Variants in SFMBT1 observed in about 807,000 individuals in gnomAD.
SFMBT1 encodes Scm like with four mbt domains 1.
A neutral mutation model predicts 108.7 loss-of-function variants in SFMBT1; 32 were observed. The observed-to-expected ratio is 0.29, with a 90% CI of 0.22 to 0.40. The LOEUF (loss-of-function observed/expected upper bound fraction) is 0.40, where lower values mean the gene tolerates loss of function less well. Among genes scored for constraint, SFMBT1 ranks in the 10% least tolerant of loss-of-function variants. The probability of loss-of-function intolerance (pLI) is 1.00; values close to 1 mark genes in which losing one functional copy is unlikely to be tolerated. For synonymous variants in SFMBT1, 348 were observed against 369.5 expected (o/e 0.94, Z 0.67); for missense variants, 816 against 1,059.6 (o/e 0.77, Z 3.19).
intron 1 of SFMBT1, among the ~76,000 whole-genome samples, chr3:53,024,565 T>G (rs1699421927): frequency 1.3e-5 from 2 of 152,196 alleles, no homozygotes; most frequent in African/African-American, 4.8e-5. Context: ...AGGGTCGTTG[T>G]GTGTCAACAA....
At chr3:52,999,652 C>T (rs1344277519) in intron 1 of SFMBT1, among the ~76,000 whole-genome samples, 1 of 149,970 alleles carries the variant, frequency 6.7e-6, no homozygotes, top group Non-Finnish European at 1.5e-5. Context: ...GGCCAAAGGT[C>T]ATGAGGGGAG....
chr3:52,969,104 C>T lies in SFMBT1; in HGVS notation c.25G>A (p.Ala9Thr). ...ATTCTGAGAATAAAACCAATACCTG[C>T]ATCAAGCTGCTGCTCCCCGTTCATT... The part of the protein sequence containing the change: MNGEQQLD[A>T]DAGSGMEEVE... Residue 9 changes from alanine to threonine, a missense_variant, in exon 2 of 21, where the codon GCA (alanine) becomes ACA (threonine). By Grantham distance (58) the Ala-to-Thr change is moderately conservative (BLOSUM62 0). Coordinates refer to ENST00000394752, the MANE Select transcript of SFMBT1 (RefSeq NM_016329.4). 3 of 1,614,024 alleles carry T rather than the reference C, an allele frequency of 1.9e-6. No individual in the cohort carries two copies. The highest frequency in any genetic ancestry group is 1.7e-6 in the Non-Finnish European group (2 of 1,179,968).
At chr3:52,920,818 GA>G (rs904545403) in intron 11 of SFMBT1, among the ~76,000 whole-genome samples, 168 bp from the exon 12 acceptor site, 19 of 151,892 alleles carry the variant, frequency 1.3e-4, no homozygotes, top group Admixed American at 2.6e-4. Flanking sequence ...TAAACATTAT[GA>G]AAAAAAACTG....
intron 20 of SFMBT1, 75 bp from the exon 21 acceptor site, chr3:52,905,351 CTT>C: frequency 6.8e-7 from 1 of 1,473,700 alleles, no homozygotes; most frequent in Non-Finnish European, 9.2e-7. Context: ...CCTCTCCTCA[CTT>C]TAGCTCTGTC....
At chr3:52,953,561 G>C (rs537587293) in intron 3 of SFMBT1, among the ~76,000 whole-genome samples, 1 of 152,284 alleles carries the variant, frequency 6.6e-6, no homozygotes, top group South Asian at 2.1e-4. Flanking sequence ...ATTAAACTGG[G>C]TTGTTAGGGC....
intron 1 of SFMBT1, among the ~76,000 whole-genome samples, chr3:52,990,311 T>TA (rs1435349690): frequency 2.0e-5 from 3 of 152,206 alleles, no homozygotes; most frequent in Non-Finnish European, 4.4e-5. Context: ...CTAACTCACA[T>TA]TAAATTCCTC....
At chr3:52,959,106 G>A (rs1213792019) in intron 2 of SFMBT1, among the ~76,000 whole-genome samples, 1 of 151,326 alleles carries the variant, frequency 6.6e-6, no homozygotes, top group Non-Finnish European at 1.5e-5. Context: ...GGGGGGAAAA[G>A]CATACATTGG....
intron 1 of SFMBT1, among the ~76,000 whole-genome samples, chr3:53,016,362 AG>A (rs1470054300): frequency 6.6e-6 from 1 of 152,214 alleles, no homozygotes; most frequent in Non-Finnish European, 1.5e-5. Context: ...AGCTGAGGTC[AG>A]GGTGAACATA....
rs141613813 is a variant in SFMBT1 at position 52,974,666 on chromosome 3, C to T, written c.-130-5408G>A. Among the ~76,000 whole-genome samples the T allele has an allele frequency of 7.1e-3, 1,083 of 151,756 alleles. 4 individuals carry two copies. The highest frequency in any genetic ancestry group is 0.012 in the Non-Finnish European group (803 of 67,938). On this transcript the variant is annotated intron_variant, in intron 1 of 20. Coordinates refer to ENST00000394752, the MANE Select transcript of SFMBT1 (RefSeq NM_016329.4). Reference sequence around the variant, plus strand: ...AAGTCAAGGTTTTAGTTCAATTTTGCGAGAAAAATCTTAGCCACTCATATC... The same window carrying T: ...AAGTCAAGGTTTTAGTTCAATTTTGTGAGAAAAATCTTAGCCACTCATATC...
In SFMBT1 at chr3:52,912,413, T is replaced by C. The variant is rs1021062288; in HGVS notation, c.1730+125A>G. 4 of 652,584 alleles carry C rather than the reference T, an allele frequency of 6.1e-6. No homozygotes were observed. The East Asian group carries it at 9.7e-5, about 16-fold the overall frequency. 40.4% of individuals were successfully genotyped at this position (652,584 alleles called of 1,614,324 possible). On this transcript the variant is annotated intron_variant, in intron 16 of 20. Coordinates refer to ENST00000394752, the MANE Select transcript of SFMBT1 (RefSeq NM_016329.4). The stretch of plus-strand genomic sequence containing the variant: ...CAGGCTGGTCTTGAACTCCTGACCT[T>C]GTGATCCGCCCGCCTCGGCCTCCCA...
At chr3:52,975,259 A>C (rs1384831337) in intron 1 of SFMBT1, among the ~76,000 whole-genome samples, 5 of 152,218 alleles carry the variant, frequency 3.3e-5, no homozygotes, top group African/African-American at 1.2e-4. Context: ...ATAAGCATAC[A>C]ATGCACCATA....
chr3:52,906,656 T>C (rs1298209575), intron 19 of SFMBT1, among the ~76,000 whole-genome samples: 1 of 152,252 alleles, frequency 6.6e-6, no homozygotes, highest in Non-Finnish European at 1.5e-5. Flanking sequence ...ACATATGTTA[T>C]AAAATGTTCA....
intron 2 of SFMBT1, among the ~76,000 whole-genome samples, chr3:52,963,662 A>G (rs1704038876): frequency 6.6e-6 from 1 of 151,846 alleles, no homozygotes; most frequent in Non-Finnish European, 1.5e-5. Context: ...TATGTTGCCC[A>G]GACTGGTCTT....
intron 2 of SFMBT1, among the ~76,000 whole-genome samples, chr3:52,963,126 T>C (rs1704020568): frequency 1.3e-5 from 2 of 151,956 alleles, no homozygotes; most frequent in South Asian, 4.1e-4. Flanking sequence ...TCCTAGCAGC[T>C]GGGATTACAG....
Position 52,983,060 on chromosome 3 carries a change from TATA to T in SFMBT1, c.-130-13805_-130-13803del, listed in dbSNP as rs577569490. 1.6e-3 allele frequency among the ~76,000 whole-genome samples: 236 copies of T among 152,244 alleles called. 1 individual carries two copies. The highest frequency in any genetic ancestry group is 5.4e-3 in the African/African-American group (226 of 41,528). On this transcript the variant is annotated intron_variant, in intron 1 of 20. Transcript: ENST00000394752. ...AAAAAGCAAACATTCAGACAGAAAC[TATA>T]ATGTTATTTCTGAAAAGTTACACCA... is the stretch of plus-strand genomic sequence containing the variant.
chr3:53,021,038 A>G (rs1215955648), intron 1 of SFMBT1, among the ~76,000 whole-genome samples: 1 of 152,252 alleles, frequency 6.6e-6, no homozygotes, highest in Non-Finnish European at 1.5e-5. Flanking sequence ...AGCCTGGGCA[A>G]CAAGAGTGAG....
chr3:52,927,984 T>C (rs929339477), intron 9 of SFMBT1, among the ~76,000 whole-genome samples: 4 of 152,186 alleles, frequency 2.6e-5, no homozygotes, highest in African/African-American at 9.6e-5. Flanking sequence ...GCACTCTCTT[T>C]AACAGTTTTT....
intron 1 of SFMBT1, among the ~76,000 whole-genome samples, chr3:52,997,774 A>C (rs947554163): frequency 6.7e-6 from 1 of 150,326 alleles, no homozygotes; most frequent in African/African-American, 2.4e-5. Flanking sequence ...TTTGGGGGTA[A>C]TAAAATGTTC....
At position 52,905,127 on chromosome 3, in the gene SFMBT1, T is replaced by C; in HGVS notation, c.*9A>G. ...GCTTCAAAGATCCAGCTCACTTTGG[T>C]TGTCCTTCTCAGTTGGCAAACTGCT... On this transcript the variant is annotated 3_prime_UTR_variant, in exon 21 of 21. Transcript: ENST00000394752. 6.2e-7 allele frequency: 1 copy of C among 1,613,150 alleles called. No homozygotes were observed. Among genetic ancestry groups the C allele is most frequent in the Non-Finnish European group, 8.5e-7 (1 of 1,179,568 alleles).
Sources: allele counts gnomAD v4.1 joint callset (sites outside exome capture counted in the v4.1 genomes callset), GRCh38; gene constraint gnomAD v4.1.1; transcripts MANE v1.5; gene names NCBI Gene and HGNC (gene_info 2026-07-23, HGNC 2026-07-21).